The following TRERF1 variants were observed in gnomAD, a reference collection of about 807,000 sequenced individuals.
TRERF1 encodes the protein transcriptional-regulating factor 1.
TRERF1 carries 27 observed loss-of-function variants against 122.9 expected under a neutral mutation model. The ratio of observed to expected loss-of-function variants is 0.22; its 90% CI spans 0.16 to 0.30. The LOEUF (loss-of-function observed/expected upper bound fraction) is 0.30. Among genes scored for constraint, TRERF1 ranks in the 10% least tolerant of loss-of-function variants. The pLI is 1.00. For synonymous variants in TRERF1, 636 were observed against 641.7 expected (o/e 0.99, Z 0.13); for missense variants, 1,248 against 1,560.3 (o/e 0.80, Z 3.37).
chr6:42,443,392 A>C (rs976844461), intron 2 of TRERF1, among the ~76,000 whole-genome samples: 3 of 152,250 alleles, frequency 2.0e-5, no homozygotes, highest in African/African-American at 7.2e-5. Context: ...ATATCTTTTT[A>C]AAATGAGAAT....
At chr6:42,331,981 C>T (rs1581637367) in intron 3 of TRERF1, among the ~76,000 whole-genome samples, 1 of 152,204 alleles carries the variant, frequency 6.6e-6, no homozygotes, top group African/African-American at 2.4e-5. Context: ...CTTACTCTGT[C>T]GCCCAGGCTA....
At chr6:42,272,460 AGGGT>A in intron 4 of TRERF1, among the ~76,000 whole-genome samples, 1 of 152,222 alleles carries the variant, frequency 6.6e-6, no homozygotes, top group East Asian at 1.9e-4. Context: ...CGCTGCTCAA[AGGGT>A]GGTCCAGGTC....
intron 4 of TRERF1, among the ~76,000 whole-genome samples, chr6:42,290,415 C>T (rs759729117): frequency 2.0e-5 from 3 of 152,196 alleles, no homozygotes; most frequent in East Asian, 1.9e-4. Context: ...AGCTGCCCCT[C>T]GCCTGTGGCC....
intron 4 of TRERF1, among the ~76,000 whole-genome samples, chr6:42,294,754 T>C (rs1042898424): frequency 1.3e-5 from 2 of 152,176 alleles, no homozygotes; most frequent in Non-Finnish European, 2.9e-5. Flanking sequence ...TTCCTGGTCC[T>C]GAAAAGGGTC....
chr6:42,268,060 T>G lies in TRERF1; in HGVS notation c.1437+94A>C. 2 of 1,321,842 alleles carry G rather than the reference T, an allele frequency of 1.5e-6. No homozygotes were observed. Among genetic ancestry groups the G allele is most frequent in the East Asian group, 2.6e-5 (1 of 37,882 alleles). The allele number at this position is 1,321,842 out of a possible 1,614,324, so 81.9% of individuals were successfully genotyped here. A position where few individuals can be genotyped will look rare whatever the true frequency, so the allele number is the denominator to read the frequency against. ...GTGGAATTAGTAAAGAACAAAAGGG[T>G]TGAGGGGGCTTGGAGAGAGGATTGA... On this transcript the variant is annotated intron_variant, in intron 5 of 17. Transcript: ENST00000372922. This position sits in a 1 kb window ranked among gnomAD's most constrained non-coding sequence, Gnocchi z 4.4.
intron 13 of TRERF1, among the ~76,000 whole-genome samples, chr6:42,250,939 C>T (rs912389832): frequency 6.6e-6 from 1 of 150,744 alleles, no homozygotes; most frequent in Non-Finnish European, 1.5e-5. Context: ...TTTTAGAGGG[C>T]CTTTCTGTCT....
chr6:42,408,286 T>C (rs13197709), intron 2 of TRERF1, among the ~76,000 whole-genome samples: 48 of 138,992 alleles, frequency 3.5e-4, no homozygotes, highest in Non-Finnish European at 5.8e-4. Flanking sequence ...TACATACACA[T>C]GTGTGTGTAT....
intron 2 of TRERF1, among the ~76,000 whole-genome samples, chr6:42,429,536 A>C (rs569102789): frequency 6.6e-6 from 1 of 152,276 alleles, no homozygotes; most frequent in African/African-American, 2.4e-5. Context: ...TCTTAAATGA[A>C]CTGGAAGGGG....
intron 2 of TRERF1, among the ~76,000 whole-genome samples, chr6:42,431,336 T>C (rs9381174): frequency 0.56 from 85,083 of 151,900 alleles, 27,977 homozygotes; most frequent in Non-Finnish European, 0.73. Flanking sequence ...GAATGGAAAA[T>C]AGAATGACAA....
At chr6:42,335,461 C>A (rs1432506894) in intron 3 of TRERF1, among the ~76,000 whole-genome samples, 1 of 152,140 alleles carries the variant, frequency 6.6e-6, no homozygotes, top group Non-Finnish European at 1.5e-5. Context: ...GCCCATTTTA[C>A]AGAGGAGGAA....
At chr6:42,325,343 T>C (rs975878723) in intron 3 of TRERF1, among the ~76,000 whole-genome samples, 6 of 152,188 alleles carry the variant, frequency 3.9e-5, no homozygotes, top group Non-Finnish European at 7.3e-5. Context: ...GGAAAGCAGT[T>C]TGGAGACTTC....
At chr6:42,343,276 C>A (rs1052616039) in intron 3 of TRERF1, among the ~76,000 whole-genome samples, 12 of 152,294 alleles carry the variant, frequency 7.9e-5, no homozygotes, top group Admixed American at 7.8e-4. Flanking sequence ...AAAGTAATTT[C>A]TTTAAAATGC....
chr6:42,299,200 T>TTCTAACTATCTA (rs141614465), intron 4 of TRERF1, among the ~76,000 whole-genome samples: 181 of 146,712 alleles, frequency 1.2e-3, no homozygotes, highest in African/African-American at 4.3e-3. Context: ...GTCTGTTTTT[T>TTCTAACTATCTA]TCTATCTATC....
At chr6:42,313,317 G>A (rs1157952801) in intron 3 of TRERF1, among the ~76,000 whole-genome samples, 3 of 152,102 alleles carry the variant, frequency 2.0e-5, no homozygotes, top group South Asian at 2.1e-4. Context: ...TATTATTCAC[G>A]ATACAAAGAA....
At chr6:42,298,227 C>T (rs776810355) in intron 4 of TRERF1, among the ~76,000 whole-genome samples, 1 of 151,792 alleles carries the variant, frequency 6.6e-6, no homozygotes, top group Non-Finnish European at 1.5e-5. Context: ...ATGGTCTCAA[C>T]TCACAGCAAC....
chr6:42,378,790 C>T (rs1249515691), intron 2 of TRERF1, among the ~76,000 whole-genome samples: 1 of 152,160 alleles, frequency 6.6e-6, no homozygotes, highest in Non-Finnish European at 1.5e-5. Context: ...GCTTCCCCTC[C>T]CAACCTCCCA....
intron 2 of TRERF1, among the ~76,000 whole-genome samples, chr6:42,365,153 T>G (rs1006282753): frequency 4.6e-5 from 7 of 151,906 alleles, no homozygotes; most frequent in African/African-American, 1.7e-4. Flanking sequence ...CCACTGTGGG[T>G]ATCAAGTGCG....
intron 2 of TRERF1, among the ~76,000 whole-genome samples, chr6:42,365,093 G>A (rs1232829187): frequency 6.6e-6 from 1 of 152,158 alleles, no homozygotes; most frequent in African/African-American, 2.4e-5. Flanking sequence ...AAGCCAGGTT[G>A]TCTCCTGAGT....
At chr6:42,349,964 C>T (rs555031241) in intron 3 of TRERF1, among the ~76,000 whole-genome samples, 1 of 152,170 alleles carries the variant, frequency 6.6e-6, no homozygotes, top group South Asian at 2.1e-4. Context: ...AAAAGTGGTG[C>T]AGTATTTGTG....
Sources: gnomAD v4.1 joint callset for allele counts (sites outside exome capture counted in the v4.1 genomes callset) on GRCh38, gnomAD v4.1.1 for gene constraint, Gnocchi (gnomAD v3.1) non-coding constraint, MANE v1.5 for transcripts, NCBI Gene and HGNC (gene_info 2026-07-23, HGNC 2026-07-21) for gene names.